Variants in SULT1E1 observed in about 807,000 individuals in gnomAD.
SULT1E1 encodes the protein sulfotransferase 1E1.
A neutral mutation model predicts 33.6 loss-of-function variants in SULT1E1; 36 were observed. The ratio of observed to expected loss-of-function variants is 1.07; its 90% confidence interval spans 0.82 to 1.41. The LOEUF is 1.41. Ranked by LOEUF, SULT1E1 falls within the 40% of genes most tolerant of loss-of-function variation. The pLI is 0.00. For missense variants in SULT1E1, 371 were observed against 345.7 expected (o/e 1.07, Z -0.58); for synonymous variants, 121 against 111.7 (o/e 1.08, Z -0.53).
the SULT1E1 span, among the ~76,000 whole-genome samples, chr4:69,834,623 G>A: frequency 1.3e-5 from 2 of 152,078 alleles, no homozygotes; most frequent in Non-Finnish European, 2.9e-5. Flanking sequence ...CAGTTTGTGA[G>A]AACCAATGAG....
chr4:69,832,299 G>A, the SULT1E1 span, among the ~76,000 whole-genome samples: 3 of 152,184 alleles, frequency 2.0e-5, no homozygotes, highest in African/African-American at 7.2e-5. Flanking sequence ...GATCTCCCAT[G>A]GCTGGGAGCC....
the SULT1E1 span, among the ~76,000 whole-genome samples, chr4:69,828,079 GTCACCC>G: frequency 6.6e-6 from 1 of 152,188 alleles, no homozygotes; most frequent in Non-Finnish European, 1.5e-5. Flanking sequence ...GCCAGCACAT[GTCACCC>G]TCACTGAGTC....
downstream of SULT1E1, chr4:69,841,103 T>C (rs1720877225): frequency 6.6e-6 from 1 of 152,082 alleles, no homozygotes; most frequent in Admixed American, 6.6e-5. Context: ...GCTATAGTTA[T>C]GCCCCCTATT....
the SULT1E1 span, among the ~76,000 whole-genome samples, chr4:69,832,550 C>T: frequency 1.3e-5 from 2 of 152,200 alleles, no homozygotes; most frequent in Admixed American, 6.5e-5. Context: ...AGAAACAAGA[C>T]AAAGGCACTT....
At chr4:69,858,971 T>G (rs900808546) in intron 1 of SULT1E1, among the ~76,000 whole-genome samples, 7 of 152,158 alleles carry the variant, frequency 4.6e-5, no homozygotes, top group African/African-American at 1.7e-4. Flanking sequence ...CATAGTCAAT[T>G]TTGGTCTGAG....
the SULT1E1 span, among the ~76,000 whole-genome samples, chr4:69,824,559 C>T: frequency 6.6e-6 from 1 of 152,088 alleles, no homozygotes; most frequent in African/African-American, 2.4e-5. Context: ...CCTGCTGCCC[C>T]TAGTGAGAGG....
chr4:69,823,328 T>C, the SULT1E1 span, among the ~76,000 whole-genome samples: 1 of 152,158 alleles, frequency 6.6e-6, no homozygotes, highest in Non-Finnish European at 1.5e-5. Context: ...TAGCCTCCCA[T>C]TGCAGAATTT....
Position 69,855,864 on chromosome 4 carries a change from G to A in SULT1E1, c.146-438C>T, listed in dbSNP as rs11573758. ...GGTTCCTGTCCTTAGGGAGCTAAAG[G>A]CCTTTTGAAGTCAGTGACATTGTTC... is the stretch of plus-strand genomic sequence containing the variant. On this transcript the variant is annotated intron_variant, in intron 2 of 7. Transcript: ENST00000226444. Among the ~76,000 whole-genome samples, 579 of 152,240 alleles carry A rather than the reference G, an allele frequency of 3.8e-3. 7 individuals carry two copies. The highest frequency in any genetic ancestry group is 0.013 in the African/African-American group (557 of 41,542).
chr4:69,835,998 T>A, the SULT1E1 span, among the ~76,000 whole-genome samples: 1 of 152,216 alleles, frequency 6.6e-6, no homozygotes, highest in Non-Finnish European at 1.5e-5. Context: ...TACATCATTG[T>A]CATTGTTAAA....
chr4:69,830,557 G>A, the SULT1E1 span, among the ~76,000 whole-genome samples: 1 of 152,188 alleles, frequency 6.6e-6, no homozygotes, highest in Admixed American at 6.5e-5. Flanking sequence ...TTTAGCCCAT[G>A]CAGGATTGCC....
rs941093104 is a variant in SULT1E1 at position 69,847,900 on chromosome 4, G to A, written c.497-108C>T. ...CAAATAAATATAAATAGATAATCAT[G>A]AAATTAGAATAGATCAGCTGTATAT... On this transcript the variant is annotated intron_variant, in intron 5 of 7. Transcript: ENST00000226444. The A allele has an allele frequency of 1.6e-5, 10 of 607,966 alleles. No homozygotes were observed. In the South Asian group the frequency reaches 2.1e-4, roughly 13 times the overall value. The allele number at this position is 607,966 out of a possible 1,614,324, so 37.7% of individuals were successfully genotyped here.
chr4:69,846,305 C>CAAAAAAAAAA (rs34408656), intron 6 of SULT1E1, among the ~76,000 whole-genome samples: 781 of 105,904 alleles, frequency 7.4e-3, no homozygotes, highest in Non-Finnish European at 9.0e-3. Context: ...ACAAAACAAT[C>CAAAAAAAAAA]AAAAAAAAAA....
the SULT1E1 span, among the ~76,000 whole-genome samples, chr4:69,830,787 G>A: frequency 2.0e-5 from 3 of 152,170 alleles, no homozygotes; most frequent in African/African-American, 7.2e-5. Flanking sequence ...GGTTGGATTG[G>A]TTGTCTGAAT....
chr4:69,829,368 A>G, the SULT1E1 span, among the ~76,000 whole-genome samples: 4 of 152,120 alleles, frequency 2.6e-5, no homozygotes, highest in African/African-American at 9.7e-5. Context: ...GTACTGATGG[A>G]CCCAAACCAG....
At chr4:69,826,050 C>T in the SULT1E1 span, among the ~76,000 whole-genome samples, 2 of 152,100 alleles carry the variant, frequency 1.3e-5, no homozygotes, top group South Asian at 2.1e-4. Flanking sequence ...TTTTAGGGTC[C>T]CTCCTCAGAC....
chr4:69,851,509 CTT>C (rs1721105564), intron 4 of SULT1E1, among the ~76,000 whole-genome samples: 1 of 152,144 alleles, frequency 6.6e-6, no homozygotes, highest in African/African-American at 2.4e-5. Context: ...AATAGGAACA[CTT>C]TTACACTGTT....
the SULT1E1 span, among the ~76,000 whole-genome samples, chr4:69,835,636 T>C: frequency 6.6e-6 from 1 of 152,332 alleles, no homozygotes; most frequent in Admixed American, 6.5e-5. Flanking sequence ...ATTTACTGAA[T>C]ACTGATTGAT....
chr4:69,829,548 A>G, the SULT1E1 span, among the ~76,000 whole-genome samples: 1 of 152,154 alleles, frequency 6.6e-6, no homozygotes, highest in Non-Finnish European at 1.5e-5. Flanking sequence ...AGCTTTCAGG[A>G]CAGTAAGGGT....
chr4:69,831,597 T>A, the SULT1E1 span, among the ~76,000 whole-genome samples: 1 of 152,140 alleles, frequency 6.6e-6, no homozygotes, highest in African/African-American at 2.4e-5. Flanking sequence ...CTGAAAAAAC[T>A]TTCTTAAAAT....
Sources: gnomAD v4.1 joint callset for allele counts (sites outside exome capture counted in the v4.1 genomes callset) on GRCh38, gnomAD v4.1.1 for gene constraint, MANE v1.5 for transcripts, NCBI Gene and HGNC (gene_info 2026-07-23, HGNC 2026-07-21) for gene names.